Variants in TMEM132D observed in about 807,000 individuals in gnomAD.
The protein encoded by TMEM132D is transmembrane protein 132D, also known as mature OL transmembrane protein.
TMEM132D carries 21 observed loss-of-function variants against 62.3 expected under a neutral mutation model. That is an observed-to-expected ratio of 0.34 (90% confidence interval 0.24 to 0.49). The LOEUF (loss-of-function observed/expected upper bound fraction) is 0.49, where lower values mean the gene tolerates loss of function less well. Among genes scored for constraint, TMEM132D ranks in the 20% least tolerant of loss-of-function variants. TMEM132D has a pLI of 0.99. For synonymous variants in TMEM132D, 621 were observed against 575.6 expected (o/e 1.08, Z -1.13); for missense variants, 1,346 against 1,402.8 (o/e 0.96, Z 0.65).
intron 2 of TMEM132D, among the ~76,000 whole-genome samples, chr12:129,676,990 G>C (rs140208804): frequency 6.6e-6 from 1 of 152,064 alleles, no homozygotes; most frequent in Non-Finnish European, 1.5e-5. Flanking sequence ...TTACATATCA[G>C]AATAGCTATA....
At chr12:129,891,272 CA>C in intron 1 of TMEM132D, among the ~76,000 whole-genome samples, 1 of 152,184 alleles carries the variant, frequency 6.6e-6, no homozygotes, top group East Asian at 1.9e-4. Context: ...CCTCACTGAT[CA>C]GACTCAATGA....
rs1872699914 is a variant in TMEM132D at position 129,827,813 on chromosome 12, T to C, written c.79+75448A>G. Among the ~76,000 whole-genome samples the C allele has an allele frequency of 6.6e-6, 1 of 152,108 alleles. No individual in the cohort carries two copies. Among genetic ancestry groups the C allele is most frequent in the Non-Finnish European group, 1.5e-5 (1 of 68,034 alleles). Reference sequence around the variant, plus strand: ...CTTGGAATTATGTTTTTAATGTGAGTATGGAAACTGAGAAAGCACAGCCAT... The same window carrying C: ...CTTGGAATTATGTTTTTAATGTGAGCATGGAAACTGAGAAAGCACAGCCAT... On this transcript the variant is annotated intron_variant, in intron 1 of 8. Coordinates refer to ENST00000422113, the MANE Select transcript of TMEM132D (RefSeq NM_133448.3). The surrounding 1 kb of genome is among the most constrained non-coding windows in gnomAD (Gnocchi z 9.7).
At chr12:129,541,463 C>T (rs2137097976) in intron 2 of TMEM132D, among the ~76,000 whole-genome samples, 1 of 152,284 alleles carries the variant, frequency 6.6e-6, no homozygotes, top group African/African-American at 2.4e-5. Flanking sequence ...AAAAACAGAA[C>T]TTTGATATAG....
At chr12:129,698,139 G>A (rs1881250871) in intron 2 of TMEM132D, 1 of 152,100 alleles carries the variant, frequency 6.6e-6, no homozygotes, top group Non-Finnish European at 1.5e-5. Flanking sequence ...AGAATACTAT[G>A]TAAGACTGTT....
At chr12:129,505,525 G>A (rs1313097327) in intron 3 of TMEM132D, among the ~76,000 whole-genome samples, 1 of 152,152 alleles carries the variant, frequency 6.6e-6, no homozygotes, top group Non-Finnish European at 1.5e-5. Flanking sequence ...TTACAGGCAT[G>A]AGCCACCACG....
chr12:129,792,720 C>T (rs207473537), intron 1 of TMEM132D, among the ~76,000 whole-genome samples: 1 of 151,998 alleles, frequency 6.6e-6, no homozygotes, highest in East Asian at 1.9e-4. Context: ...AACTTGGATG[C>T]GGGGTTCCAA....
intron 5 of TMEM132D, among the ~76,000 whole-genome samples, chr12:129,125,882 T>C (rs1349850549): frequency 6.6e-6 from 1 of 152,170 alleles, no homozygotes; most frequent in Non-Finnish European, 1.5e-5. Flanking sequence ...TGAAGAGCAC[T>C]GTGATGTGGC....
At chr12:129,531,005 ATC>A in intron 3 of TMEM132D, 52 bp downstream of exon 3, 25 of 1,504,486 alleles carry the variant, frequency 1.7e-5, no homozygotes, top group African/African-American at 2.8e-5. Context: ...AAAAAAAAAA[ATC>A]AGGCCACATT....
intron 5 of TMEM132D, among the ~76,000 whole-genome samples, chr12:129,089,940 G>A (rs1874852201): frequency 6.6e-6 from 1 of 152,192 alleles, no homozygotes; most frequent in Admixed American, 6.5e-5. Context: ...CTTTTTAGAG[G>A]ATAAAAACCT....
At chr12:129,315,165 G>C (rs1868441444) in intron 4 of TMEM132D, among the ~76,000 whole-genome samples, 1 of 152,102 alleles carries the variant, frequency 6.6e-6, no homozygotes, top group Admixed American at 6.5e-5. Context: ...CTCTGGCCAG[G>C]ATTTGCAGAA....
chr12:129,817,321 C>T (rs756724786), intron 1 of TMEM132D, among the ~76,000 whole-genome samples: 2 of 152,174 alleles, frequency 1.3e-5, no homozygotes, highest in Non-Finnish European at 2.9e-5. Context: ...AGCATTTGAC[C>T]AGGTCCACAG....
chr12:129,390,680 C>T (rs1593361943), intron 3 of TMEM132D, among the ~76,000 whole-genome samples: 4 of 152,266 alleles, frequency 2.6e-5, no homozygotes, highest in Non-Finnish European at 4.4e-5. Flanking sequence ...AAAGGCCTCT[C>T]TCCTTGGTCC....
intron 3 of TMEM132D, among the ~76,000 whole-genome samples, chr12:129,510,817 A>C (rs1360785997): frequency 6.6e-6 from 1 of 152,008 alleles, no homozygotes; most frequent in African/African-American, 2.4e-5. Context: ...CCTTTCCCTA[A>C]TGTATGTTCT....
intron 3 of TMEM132D, among the ~76,000 whole-genome samples, chr12:129,369,472 G>A (rs1870528634): frequency 6.6e-6 from 1 of 152,126 alleles, no homozygotes; most frequent in South Asian, 2.1e-4. Flanking sequence ...CTCATCCTAT[G>A]AAACACTACA....
At chr12:129,196,668 T>C (rs577053389) in intron 5 of TMEM132D, among the ~76,000 whole-genome samples, 107 of 152,298 alleles carry the variant, frequency 7.0e-4, no homozygotes, top group African/African-American at 2.4e-3. Context: ...AGGGTAAGGT[T>C]GGTCCATCTT....
intron 4 of TMEM132D, among the ~76,000 whole-genome samples, chr12:129,316,890 A>G (rs907719582): frequency 1.1e-4 from 16 of 152,152 alleles, no homozygotes; most frequent in Admixed American, 6.5e-5. Flanking sequence ...GCCTTTTACC[A>G]TTATATAATT....
At chr12:129,527,535 C>T (rs1566099170) in intron 3 of TMEM132D, among the ~76,000 whole-genome samples, 2 of 152,158 alleles carry the variant, frequency 1.3e-5, no homozygotes, top group Admixed American at 6.5e-5. Context: ...TGCTGGAGAA[C>T]TTAAATAAAT....
chr12:129,732,102 C>T (rs917987784), intron 1 of TMEM132D, among the ~76,000 whole-genome samples: 3 of 152,170 alleles, frequency 2.0e-5, no homozygotes, highest in African/African-American at 2.4e-5. Flanking sequence ...TGACCAACTC[C>T]CAAGGCTGTC....
At chr12:129,869,275 C>G (rs1392434047) in intron 1 of TMEM132D, among the ~76,000 whole-genome samples, 2 of 152,124 alleles carry the variant, frequency 1.3e-5, no homozygotes, top group African/African-American at 4.8e-5. Flanking sequence ...CCAGTGAAAA[C>G]GAGCAACAAG....
Sources: gnomAD v4.1 joint callset for allele counts (sites outside exome capture counted in the v4.1 genomes callset) on GRCh38, gnomAD v4.1.1 for gene constraint, Gnocchi (gnomAD v3.1) non-coding constraint, MANE v1.5 for transcripts, NCBI Gene and HGNC (gene_info 2026-07-23, HGNC 2026-07-21) for gene names.